Variants in CCSER1 observed in about 807,000 individuals in gnomAD.
The protein encoded by CCSER1 is serine-rich coiled-coil domain-containing protein 1.
Under a neutral mutation model 82.0 loss-of-function variants are expected in CCSER1, and 41 were observed. That is an observed-to-expected ratio of 0.50 (90% CI 0.39 to 0.65). The LOEUF (loss-of-function observed/expected upper bound fraction) is 0.65, where lower values mean the gene tolerates loss of function less well. Ranked by LOEUF, CCSER1 falls within the 30% of genes least tolerant of loss-of-function variation. CCSER1 has a pLI of 0.00. For missense variants in CCSER1, 1,119 were observed against 1,064.2 expected (o/e 1.05, Z -0.72); for synonymous variants, 414 against 383.9 (o/e 1.08, Z -0.92).
intron 10 of CCSER1, among the ~76,000 whole-genome samples, chr4:91,241,536 C>T (rs1467680466): frequency 5.4e-5 from 8 of 147,930 alleles, no homozygotes; most frequent in Middle Eastern, 3.6e-3. Context: ...CTGTGTTAGC[C>T]AGGATGGTCT....
intron 5 of CCSER1, among the ~76,000 whole-genome samples, chr4:90,594,269 C>T (rs867917348): frequency 9.2e-5 from 14 of 152,088 alleles, no homozygotes; most frequent in African/African-American, 3.1e-4. Flanking sequence ...CATCTCCCCA[C>T]GTGTTCTCTC....
intron 1 of CCSER1, among the ~76,000 whole-genome samples, chr4:90,231,370 C>T (rs1013961397): frequency 1.2e-4 from 18 of 151,774 alleles, no homozygotes; most frequent in African/African-American, 4.1e-4. Flanking sequence ...AAGACAAAAA[C>T]CACATGATTA....
chr4:90,401,839 A>T (rs1272145247), intron 4 of CCSER1, among the ~76,000 whole-genome samples: 1 of 152,146 alleles, frequency 6.6e-6, no homozygotes, highest in East Asian at 1.9e-4. Context: ...GATTGTAAGG[A>T]TGTATTGTTG....
At chr4:91,290,581 T>A (rs73835122) in intron 10 of CCSER1, among the ~76,000 whole-genome samples, 3,397 of 152,070 alleles carry the variant, frequency 0.022, 136 homozygotes, top group African/African-American at 0.075. Flanking sequence ...TACTGAACTA[T>A]TAAAATATGA....
intron 9 of CCSER1, among the ~76,000 whole-genome samples, chr4:90,959,093 T>A (rs1348082100): frequency 6.6e-6 from 1 of 152,180 alleles, no homozygotes; most frequent in African/African-American, 2.4e-5. Flanking sequence ...AGAATAAGAT[T>A]ACAGGAGTTA....
chr4:90,681,800 G>A (rs1216683895), intron 6 of CCSER1, among the ~76,000 whole-genome samples: 1 of 151,740 alleles, frequency 6.6e-6, no homozygotes, highest in African/African-American at 2.4e-5. Context: ...GTTTATTTGT[G>A]GACTGATTTA....
intron 1 of CCSER1, among the ~76,000 whole-genome samples, chr4:90,199,226 G>A (rs558003714): frequency 6.6e-6 from 1 of 152,176 alleles, no homozygotes; most frequent in Admixed American, 6.5e-5. Context: ...TATTGTAACA[G>A]AATACTCAAT....
intron 6 of CCSER1, among the ~76,000 whole-genome samples, chr4:90,685,319 C>G (rs1487809739): frequency 6.6e-6 from 1 of 152,128 alleles, no homozygotes; most frequent in Non-Finnish European, 1.5e-5. Flanking sequence ...AACTGCCACT[C>G]TGTTTTCTTC....
intron 9 of CCSER1, among the ~76,000 whole-genome samples, chr4:91,078,686 CA>C (rs1235147759): frequency 1.3e-5 from 2 of 152,092 alleles, no homozygotes; most frequent in Admixed American, 1.3e-4. Context: ...ACCTTGAAAA[CA>C]GAGTAAACAA....
At chr4:90,541,165 A>G (rs1281966565) in intron 5 of CCSER1, among the ~76,000 whole-genome samples, 2 of 152,066 alleles carry the variant, frequency 1.3e-5, no homozygotes, top group East Asian at 1.9e-4. Flanking sequence ...GTAAAAAGAA[A>G]GTAATTGGAA....
intron 10 of CCSER1, among the ~76,000 whole-genome samples, chr4:91,296,956 A>G (rs1322704497): frequency 2.0e-5 from 3 of 151,784 alleles, no homozygotes; most frequent in African/African-American, 7.3e-5. Context: ...AATACATCAA[A>G]ATGTTGTGAA....
chr4:90,552,928 C>T lies in CCSER1; in HGVS notation c.1725-75097C>T, dbSNP rs148058627. 2.1e-3 allele frequency among the ~76,000 whole-genome samples: 315 copies of T among 152,060 alleles called. 1 individual carries two copies. The highest frequency in any genetic ancestry group is 7.4e-3 in the African/African-American group (307 of 41,500). ...TTTAACTTAAAGAGTAATCTCTGAA[C>T]CAGAGTGTTAGCTCTTAACAATTCA... On this transcript the variant is annotated intron_variant, in intron 5 of 10. Coordinates refer to ENST00000509176, the MANE Select transcript of CCSER1 (RefSeq NM_001145065.2).
intron 7 of CCSER1, among the ~76,000 whole-genome samples, chr4:90,802,379 T>C (rs895718719): frequency 2.0e-5 from 3 of 150,504 alleles, no homozygotes; most frequent in African/African-American, 7.3e-5. Context: ...CCTAAAAATA[T>C]TATGCTTTTA....
At chr4:90,239,120 G>A (rs921257806) in intron 1 of CCSER1, among the ~76,000 whole-genome samples, 1 of 152,132 alleles carries the variant, frequency 6.6e-6, no homozygotes, top group African/African-American at 2.4e-5. Flanking sequence ...CAAAGTGTTG[G>A]GACAGGTGTG....
rs191517910 is a variant in CCSER1 at position 90,778,893 on chromosome 4, C to G, written c.2011-36869C>G. Reference sequence around the variant, plus strand: ...TGGTAAAAATTGCTTCAGACAGTATCTGAGCATTTTCCCAGAGTACTAAGG... The same window carrying G: ...TGGTAAAAATTGCTTCAGACAGTATGTGAGCATTTTCCCAGAGTACTAAGG... On this transcript the variant is annotated intron_variant, in intron 7 of 10. Transcript: ENST00000509176. 1.3e-4 allele frequency among the ~76,000 whole-genome samples: 20 copies of G among 152,246 alleles called. No individual in the cohort carries two copies. The East Asian group carries it at 3.9e-3, about 29-fold the overall frequency.
chr4:90,221,485 GC>G (rs1742147537), intron 1 of CCSER1, among the ~76,000 whole-genome samples: 1 of 152,082 alleles, frequency 6.6e-6, no homozygotes, highest in Non-Finnish European at 1.5e-5. Context: ...GCATTAGACA[GC>G]ATATTGTATT....
intron 5 of CCSER1, among the ~76,000 whole-genome samples, chr4:90,626,802 CTA>C (rs1335249847): frequency 1.3e-5 from 2 of 152,004 alleles, no homozygotes; most frequent in Middle Eastern, 3.2e-3. Flanking sequence ...GATTTAACAC[CTA>C]TAAGGACATT....
chr4:90,512,700 A>G (rs750827810), intron 5 of CCSER1, among the ~76,000 whole-genome samples: 22 of 152,226 alleles, frequency 1.4e-4, no homozygotes, highest in Admixed American at 2.6e-4. Flanking sequence ...GTACTTGATA[A>G]TTACTAATCC....
At chr4:90,324,714 C>T (rs905497407) in intron 3 of CCSER1, among the ~76,000 whole-genome samples, 1 of 152,030 alleles carries the variant, frequency 6.6e-6, no homozygotes, top group African/African-American at 2.4e-5. Context: ...GTTGCCGTTG[C>T]TTTTGGTGTT....
Sources: allele counts gnomAD v4.1 joint callset (sites outside exome capture counted in the v4.1 genomes callset), GRCh38; gene constraint gnomAD v4.1.1; transcripts MANE v1.5; gene names NCBI Gene and HGNC (gene_info 2026-07-23, HGNC 2026-07-21).